PPEF2: variants seen among roughly 807,000 people sequenced by gnomAD.
PPEF2 encodes protein phosphatase with EF-hand domain 2.
PPEF2 carries 84 observed loss-of-function variants against 84.7 expected under a neutral mutation model. The ratio of observed to expected loss-of-function variants is 0.99; its 90% CI spans 0.83 to 1.19. PPEF2 has a LOEUF of 1.19. Ranked by LOEUF, PPEF2 falls within the 50% of genes most tolerant of loss-of-function variation. The pLI is 0.00. For missense variants in PPEF2, 924 were observed against 937.5 expected, an observed-to-expected ratio of 0.99 and a Z score of 0.19; for synonymous variants, 346 against 345.2, an observed-to-expected ratio of 1.00 and a Z score of -0.03.
intron 7 of PPEF2, among the ~76,000 whole-genome samples, chr4:75,886,637 T>C (rs1724733366): frequency 1.3e-5 from 2 of 152,080 alleles, no homozygotes; most frequent in Non-Finnish European, 2.9e-5. Flanking sequence ...GGAGGATTGC[T>C]TGAACCTGGG....
chr4:75,876,325 C>T lies in PPEF2; in HGVS notation c.1282G>A (p.Gly428Arg), dbSNP rs745905209. The T allele has an allele frequency of 2.2e-5, 36 of 1,612,586 alleles. No homozygotes were observed. Among genetic ancestry groups the T allele is most frequent in the South Asian group, 2.0e-4 (18 of 90,882 alleles). The change falls in exon 11 of 17, where the codon GGA (glycine) becomes AGA (arginine). Residue 428 changes from glycine (G) to arginine (R), a missense_variant. By Grantham distance (125) the Gly-to-Arg change is moderately radical. Transcript: ENST00000286719. ...RSASEADSEA[G>R]ELRKPTQEEW... ...TCCTGAGTGGGCTTCCGCAGCTCTCCGGCTTCAGAGTCTGCTTCTGAGGCT... is the reference window on the plus strand; with the variant it reads ...TCCTGAGTGGGCTTCCGCAGCTCTCTGGCTTCAGAGTCTGCTTCTGAGGCT...
rs779079046 is a variant in PPEF2 at position 75,867,295 on chromosome 4, T to G, written c.1756+18A>C. ...CTAGCTTCCTTCCTCTGTGAATCTT[T>G]AACTTGATCATTCTTACCGACTTTA... On this transcript the variant is annotated intron_variant, in intron 14 of 16. Coordinates refer to ENST00000286719, the MANE Select transcript of PPEF2 (RefSeq NM_006239.3). 6.3e-7 allele frequency: 1 copy of G among 1,586,040 alleles called. No homozygotes were observed.
rs1409534643 is a variant in PPEF2, at chr4:75,867,371, C to G, written c.1698G>C (p.Leu566=). ...TGAGAAGATCTGAAGAATGAGCAAACAGCTTCTCCCTCAGAGCTCTCAGAG... is the reference window on the plus strand; with the variant it reads ...TGAGAAGATCTGAAGAATGAGCAAAGAGCTTCTCCCTCAGAGCTCTCAGAG... The part of the protein sequence containing the change: ...ESALRALREK[L]FAHSSDLLSE... Residue 566 remains leucine (L), a synonymous_variant, in exon 14 of 17, where the codon CTG becomes CTC. Transcript: ENST00000286719. 1.9e-6 allele frequency: 3 copies of G among 1,614,080 alleles called. No individual in the cohort carries two copies. Among genetic ancestry groups the G allele is most frequent in the Admixed American group, 3.3e-5 (2 of 60,012 alleles).
At chr4:75,887,449 A>G (rs977053271) in intron 6 of PPEF2, among the ~76,000 whole-genome samples, 2 of 152,038 alleles carry the variant, frequency 1.3e-5, no homozygotes, top group Non-Finnish European at 2.9e-5. Context: ...GTGAAACCCC[A>G]TCTCTACTAA....
intron 5 of PPEF2, among the ~76,000 whole-genome samples, chr4:75,889,569 C>A (rs1486605087): frequency 6.6e-6 from 1 of 152,172 alleles, no homozygotes; most frequent in Non-Finnish European, 1.5e-5. Context: ...TAATATACTG[C>A]ATAATTGTCT....
chr4:75,891,876 T>G lies in PPEF2; in HGVS notation c.158A>C (p.Tyr53Ser). The change falls in exon 3 of 17, where the codon TAT (tyrosine) becomes TCT (serine). Residue 53 changes from tyrosine (Y) to serine (S), a missense_variant. Transcript: ENST00000286719. ...CTWSIFQSIE[Y>S]AGQQDQVKLH... ...CTTGACTTGGTCTTGCTGCCCAGCA[T>G]ATTCTATAGACTGGAAGATGCTCCA... 1 of 1,613,768 alleles carries G rather than the reference T, an allele frequency of 6.2e-7. No homozygotes were observed. The highest frequency in any genetic ancestry group is 8.5e-7 in the Non-Finnish European group (1 of 1,179,680).
Position 75,863,555 on chromosome 4 carries a change from T to C in PPEF2, c.2008+885A>G, listed in dbSNP as rs80186227. On this transcript the variant is annotated intron_variant, in intron 16 of 16. Transcript: ENST00000286719. ...AGATAGTGGTGATGGTTACACAATC[T>C]TGTGACTATACTGAGAACCACTAAG... Among the ~76,000 whole-genome samples the C allele has an allele frequency of 1.0e-3, 153 of 151,978 alleles. 1 individual carries two copies. The highest frequency in any genetic ancestry group is 3.5e-3 in the African/African-American group (145 of 41,498).
chr4:75,899,665 C>T (rs1365626053), intron 1 of PPEF2, among the ~76,000 whole-genome samples: 1 of 152,042 alleles, frequency 6.6e-6, no homozygotes, highest in Non-Finnish European at 1.5e-5. Flanking sequence ...AATAAACAAC[C>T]AGAGGAAAAA....
chr4:75,861,155 CATT>C (rs1471756247), intron 16 of PPEF2, among the ~76,000 whole-genome samples: 3 of 152,066 alleles, frequency 2.0e-5, no homozygotes, highest in Admixed American at 6.6e-5. Context: ...TGTCTGGAGA[CATT>C]GTTGTTTGTT....
At chr4:75,879,942 C>T (rs1158767068) in intron 10 of PPEF2, among the ~76,000 whole-genome samples, 3 of 151,978 alleles carry the variant, frequency 2.0e-5, no homozygotes, top group Non-Finnish European at 4.4e-5. Context: ...AATTCTCCTG[C>T]CTCAGCCTCC....
intron 8 of PPEF2, 194 bp from the exon 9 acceptor site, chr4:75,883,396 T>G: frequency 1.7e-6 from 1 of 590,112 alleles, no homozygotes; most frequent in African/African-American, 1.9e-5. Flanking sequence ...TATTTTAATT[T>G]TCTTCCTTTT....
chr4:75,879,643 G>T (rs1292031329), intron 10 of PPEF2, among the ~76,000 whole-genome samples: 1 of 152,050 alleles, frequency 6.6e-6, no homozygotes, highest in Non-Finnish European at 1.5e-5. Flanking sequence ...AATCAGAACT[G>T]ATATTCTTTT....
chr4:75,876,160 C>T, intron 11 of PPEF2, 127 bp downstream of exon 11: 1 of 1,150,836 alleles, frequency 8.7e-7, no homozygotes, highest in Admixed American at 2.5e-5. Flanking sequence ...TACTAGTGTC[C>T]TTCTGGGGTG....
intron 10 of PPEF2, among the ~76,000 whole-genome samples, chr4:75,880,070 C>T (rs933061981): frequency 1.3e-5 from 2 of 152,070 alleles, no homozygotes; most frequent in Non-Finnish European, 2.9e-5. Context: ...CCTCGTGATC[C>T]GCCCGCCTCG....
At chr4:75,884,321 G>A (rs534193070) in intron 8 of PPEF2, among the ~76,000 whole-genome samples, 21 of 151,848 alleles carry the variant, frequency 1.4e-4, no homozygotes, top group Middle Eastern at 3.4e-3. Flanking sequence ...CTGGCTACTC[G>A]GGAAGCTGAG....
intron 2 of PPEF2, among the ~76,000 whole-genome samples, chr4:75,895,297 C>T (rs890180627): frequency 6.6e-6 from 1 of 151,828 alleles, no homozygotes; most frequent in Non-Finnish European, 1.5e-5. Context: ...GGCATGGTGG[C>T]ACCCGCCTGT....
At chr4:75,895,127 ATTT>A (rs34515110) in intron 2 of PPEF2, among the ~76,000 whole-genome samples, 30 of 129,228 alleles carry the variant, frequency 2.3e-4, no homozygotes, top group Middle Eastern at 4.1e-3. Context: ...CAGCTAATTA[ATTT>A]TTTTTTTTTT....
chr4:75,871,982 C>T, intron 13 of PPEF2, 43 bp downstream of exon 13: 1 of 1,527,412 alleles, frequency 6.5e-7, no homozygotes, highest in Non-Finnish European at 8.9e-7. Flanking sequence ...TCTATGAACA[C>T]TATAATTTTT....
Position 75,891,832 on chromosome 4 carries a change from G to T in PPEF2, c.183+19C>A, listed in dbSNP as rs750295987. ...CCAAGGGAGAGCAGGAGGCGGCTCCGTCCCACATCTCATTGTACCTTGACT... is the reference window on the plus strand; with the variant it reads ...CCAAGGGAGAGCAGGAGGCGGCTCCTTCCCACATCTCATTGTACCTTGACT... On this transcript the variant is annotated intron_variant, in intron 3 of 16. Transcript: ENST00000286719. The T allele has an allele frequency of 6.2e-6, 10 of 1,604,068 alleles. No homozygotes were observed. The highest frequency in any genetic ancestry group is 8.5e-6 in the Non-Finnish European group (10 of 1,171,744).
Sources: allele counts gnomAD v4.1 joint callset (sites outside exome capture counted in the v4.1 genomes callset), GRCh38; gene constraint gnomAD v4.1.1; transcripts MANE v1.5; gene names NCBI Gene and HGNC (gene_info 2026-07-23, HGNC 2026-07-21).